The following TRPC7 variants were observed in gnomAD, a reference collection of about 807,000 sequenced individuals.
TRPC7 encodes the protein short transient receptor potential channel 7.
Under a neutral mutation model 90.1 loss-of-function variants are expected in TRPC7, and 42 were observed. The observed-to-expected ratio is 0.47, with a 90% confidence interval of 0.36 to 0.60. TRPC7 has a LOEUF of 0.60. Ranked by LOEUF, TRPC7 falls within the 20% of genes least tolerant of loss-of-function variation. TRPC7 has a pLI of 0.00. For missense variants in TRPC7, 955 were observed against 1,112.3 expected, an observed-to-expected ratio of 0.86 and a Z score of 2.01; for synonymous variants, 451 against 436.3, an observed-to-expected ratio of 1.03 and a Z score of -0.42.
intron 10 of TRPC7, among the ~76,000 whole-genome samples, chr5:136,218,875 A>T (rs1755361225): frequency 6.6e-6 from 1 of 152,186 alleles, no homozygotes; most frequent in Non-Finnish European, 1.5e-5. Context: ...GTGAGATGGG[A>T]GTTGTCATTT....
intron 5 of TRPC7, among the ~76,000 whole-genome samples, chr5:136,259,711 T>A (rs751742404): frequency 6.6e-6 from 1 of 152,196 alleles, no homozygotes; most frequent in African/African-American, 2.4e-5. Flanking sequence ...CAGATTCCTA[T>A]GGTATGTGTG....
At chr5:136,321,423 A>G (rs1322345874) in intron 2 of TRPC7, among the ~76,000 whole-genome samples, 2 of 152,172 alleles carry the variant, frequency 1.3e-5, no homozygotes, top group Non-Finnish European at 2.9e-5. Context: ...CCTATTGATA[A>G]AATTGATAAG....
At chr5:136,334,445 A>G (rs907669512) in intron 2 of TRPC7, among the ~76,000 whole-genome samples, 3 of 152,240 alleles carry the variant, frequency 2.0e-5, no homozygotes, top group African/African-American at 7.2e-5. Flanking sequence ...TTCTCTGCTC[A>G]AGGAGCACAA....
intron 5 of TRPC7, among the ~76,000 whole-genome samples, chr5:136,261,522 AGGTACTTT>A (rs1756857612): frequency 1.3e-5 from 2 of 152,176 alleles, no homozygotes; most frequent in South Asian, 4.1e-4. Flanking sequence ...TTGCCTACTC[AGGTACTTT>A]GCTTCCAAAG....
intron 8 of TRPC7, among the ~76,000 whole-genome samples, chr5:136,227,830 T>C (rs1755679182): frequency 6.6e-6 from 1 of 152,236 alleles, no homozygotes; most frequent in African/African-American, 2.4e-5. Context: ...AGCATAGCAA[T>C]ACCTATCGAA....
intron 7 of TRPC7, among the ~76,000 whole-genome samples, chr5:136,232,136 ATTAAC>A: frequency 6.6e-6 from 1 of 152,288 alleles, no homozygotes; most frequent in African/African-American, 2.4e-5. Context: ...TCTTACTGTA[ATTAAC>A]TTAAACATTT....
chr5:136,352,875 G>A (rs891473229), intron 2 of TRPC7, among the ~76,000 whole-genome samples: 3 of 152,188 alleles, frequency 2.0e-5, no homozygotes, highest in African/African-American at 7.2e-5. Context: ...TTTCTTTAGA[G>A]CTTCCTCGTT....
chr5:136,303,707 C>T (rs1758491694), intron 3 of TRPC7: 1 of 152,058 alleles, frequency 6.6e-6, no homozygotes, highest in Non-Finnish European at 1.5e-5. Flanking sequence ...CTGGTAGCCA[C>T]TTCCAGAGCC....
intron 3 of TRPC7, among the ~76,000 whole-genome samples, chr5:136,288,562 A>C (rs970470502): frequency 6.6e-6 from 1 of 152,066 alleles, no homozygotes; most frequent in African/African-American, 2.4e-5. Flanking sequence ...ATGTACTGGA[A>C]CTTTATAAGG....
chr5:136,244,459 G>A (rs182301744), intron 7 of TRPC7, among the ~76,000 whole-genome samples: 86 of 152,324 alleles, frequency 5.6e-4, no homozygotes, highest in East Asian at 3.9e-3. Context: ...AGTAGGAACA[G>A]GATAGAAGTG....
At chr5:136,311,825 G>C (rs1439543642) in intron 3 of TRPC7, among the ~76,000 whole-genome samples, 1 of 152,196 alleles carries the variant, frequency 6.6e-6, no homozygotes, top group Non-Finnish European at 1.5e-5. Flanking sequence ...GCCTAGAGGG[G>C]CTGGGATGCA....
intron 5 of TRPC7, among the ~76,000 whole-genome samples, chr5:136,258,121 CT>C (rs1014823864): frequency 6.6e-6 from 1 of 152,128 alleles, no homozygotes; most frequent in African/African-American, 2.4e-5. Context: ...AGAAAACTAA[CT>C]TTTCTGACCC....
intron 2 of TRPC7, among the ~76,000 whole-genome samples, chr5:136,355,226 C>T (rs1450555550): frequency 2.0e-5 from 3 of 152,338 alleles, no homozygotes; most frequent in South Asian, 4.1e-4. Context: ...AATCCTTTAT[C>T]ATTCAGGTAA....
intron 3 of TRPC7, among the ~76,000 whole-genome samples, chr5:136,314,800 C>T (rs1405077581): frequency 6.6e-6 from 1 of 152,152 alleles, no homozygotes; most frequent in African/African-American, 2.4e-5. Flanking sequence ...CCAAACAGCT[C>T]CTTTGCTTAT....
chr5:136,281,180 C>A (rs1420979863), intron 3 of TRPC7, among the ~76,000 whole-genome samples: 1 of 152,156 alleles, frequency 6.6e-6, no homozygotes, highest in Non-Finnish European at 1.5e-5. Context: ...GCCTATTCAT[C>A]AGCCAAGTCT....
intron 2 of TRPC7, 103 bp from the exon 3 acceptor site, chr5:136,315,882 T>C: frequency 8.7e-7 from 1 of 1,145,366 alleles, no homozygotes; most frequent in East Asian, 2.5e-5. Context: ...ACATGTGACC[T>C]TATGGAGCAC....
intron 6 of TRPC7, among the ~76,000 whole-genome samples, chr5:136,248,270 T>C (rs1360701634): frequency 6.6e-6 from 1 of 152,208 alleles, no homozygotes; most frequent in Non-Finnish European, 1.5e-5. Flanking sequence ...GCCACATGAC[T>C]CTGAGAGACA....
intron 5 of TRPC7, 80 bp from the exon 6 acceptor site, chr5:136,251,962 G>C: frequency 9.1e-7 from 1 of 1,101,222 alleles, no homozygotes; most frequent in Non-Finnish European, 1.4e-6. Flanking sequence ...GAGGGAACCA[G>C]AGTACAAATG....
At chr5:136,329,132 A>T (rs1759424875) in intron 2 of TRPC7, among the ~76,000 whole-genome samples, 1 of 152,066 alleles carries the variant, frequency 6.6e-6, no homozygotes, top group Non-Finnish European at 1.5e-5. Flanking sequence ...TTGACATGGC[A>T]TTTGTGAAAT....
Sources: allele counts gnomAD v4.1 joint callset (sites outside exome capture counted in the v4.1 genomes callset), GRCh38; gene constraint gnomAD v4.1.1; transcripts MANE v1.5; gene names NCBI Gene and HGNC (gene_info 2026-07-23, HGNC 2026-07-21).